MTUS2: variants seen among roughly 807,000 people sequenced by gnomAD.
MTUS2 encodes the protein microtubule-associated tumor suppressor candidate 2.
Under a neutral mutation model 114.1 loss-of-function variants are expected in MTUS2, and 40 were observed. The observed-to-expected ratio is 0.35, with a 90% CI of 0.27 to 0.46. The LOEUF (loss-of-function observed/expected upper bound fraction) is 0.46, where lower values mean the gene tolerates loss of function less well. Ranked by LOEUF, MTUS2 falls within the 20% of genes least tolerant of loss-of-function variation. The probability of loss-of-function intolerance (pLI) is 1.00; values close to 1 mark genes in which losing one functional copy is unlikely to be tolerated. For missense variants in MTUS2, 1,679 were observed against 1,705.4 expected (o/e 0.98, Z 0.27); for synonymous variants, 688 against 672.0 (o/e 1.02, Z -0.37).
At chr13:29,009,041 T>G (rs1885722967) in intron 2 of MTUS2, among the ~76,000 whole-genome samples, 1 of 152,002 alleles carries the variant, frequency 6.6e-6, no homozygotes, top group Non-Finnish European at 1.5e-5. Context: ...TGGGGAGTTC[T>G]AATTTCTGAG....
Position 29,047,563 on chromosome 13 carries a change from G to GAGTGC in MTUS2, c.2446+13443_2446+13447dup, listed in dbSNP as rs1887684489. ...GAGTCTTGCTGTGTCGCTCAGGCTG[G>GAGTGC]AGTGCAGTGGCGCAATCTCGGCTCA... On this transcript the variant is annotated intron_variant, in intron 4 of 15. Transcript: ENST00000612955. Among the ~76,000 whole-genome samples, 9 of 150,032 alleles carry GAGTGC rather than the reference G, an allele frequency of 6.0e-5. No homozygotes were observed. In the South Asian group the frequency reaches 1.7e-3, roughly 28 times the overall value.
intron 5 of MTUS2, among the ~76,000 whole-genome samples, chr13:29,111,597 A>G (rs1890885645): frequency 6.6e-6 from 1 of 152,186 alleles, no homozygotes. Context: ...TGAGAATATC[A>G]AAAAGCAAGC....
chr13:29,254,816 T>C (rs1897242221), intron 5 of MTUS2, among the ~76,000 whole-genome samples: 1 of 152,220 alleles, frequency 6.6e-6, no homozygotes, highest in African/African-American at 2.4e-5. Flanking sequence ...TCCTGCAGTT[T>C]TTCATCTTTT....
intron 5 of MTUS2, among the ~76,000 whole-genome samples, chr13:29,192,315 G>T (rs1396765238): frequency 6.6e-6 from 1 of 152,146 alleles, no homozygotes; most frequent in Non-Finnish European, 1.5e-5. Context: ...TTCACCAAAT[G>T]TTCTCAATCA....
chr13:28,865,256 C>CT (rs1346521045), intron 2 of MTUS2, among the ~76,000 whole-genome samples: 11 of 152,112 alleles, frequency 7.2e-5, no homozygotes, highest in African/African-American at 2.7e-4. Context: ...CTAATAAGCA[C>CT]TGTTAAAGAT....
chr13:29,244,171 AG>A (rs1440694047), intron 5 of MTUS2, among the ~76,000 whole-genome samples: 1 of 152,166 alleles, frequency 6.6e-6, no homozygotes, highest in African/African-American at 2.4e-5. Flanking sequence ...TGGAAGGAGT[AG>A]GGTGGGGAGT....
At chr13:28,928,872 A>C (rs1434293144) in intron 2 of MTUS2, among the ~76,000 whole-genome samples, 1 of 152,228 alleles carries the variant, frequency 6.6e-6, no homozygotes, top group African/African-American at 2.4e-5. Flanking sequence ...AATGTGATAT[A>C]TATGTATATC....
At chr13:29,390,538 A>G (rs1238004842) in intron 8 of MTUS2, among the ~76,000 whole-genome samples, 1 of 151,138 alleles carries the variant, frequency 6.6e-6, no homozygotes, top group East Asian at 2.0e-4. Flanking sequence ...CTATTATCCC[A>G]GCTACCCAGG....
intron 5 of MTUS2, among the ~76,000 whole-genome samples, chr13:29,196,278 G>A (rs928199441): frequency 1.1e-4 from 17 of 151,948 alleles, no homozygotes; most frequent in African/African-American, 4.1e-4. Context: ...TGCAGTTTTA[G>A]TAGAGACGGG....
At chr13:28,824,938 C>T (rs1874163160) in intron 1 of MTUS2, among the ~76,000 whole-genome samples, 1 of 152,138 alleles carries the variant, frequency 6.6e-6, no homozygotes, top group African/African-American at 2.4e-5. Context: ...GGGAATGCCT[C>T]ACTGAAAGGA....
At chr13:29,029,072 C>G (rs1316494493) in intron 3 of MTUS2, among the ~76,000 whole-genome samples, 1 of 152,210 alleles carries the variant, frequency 6.6e-6, no homozygotes, top group Admixed American at 6.5e-5. Flanking sequence ...GACGAGGTGC[C>G]CCAACAAGCC....
chr13:29,115,963 A>AT (rs1295616996), intron 5 of MTUS2, among the ~76,000 whole-genome samples: 1 of 152,232 alleles, frequency 6.6e-6, no homozygotes, highest in Non-Finnish European at 1.5e-5. Flanking sequence ...ACAGAGCATG[A>AT]TATCAACTAG....
intron 2 of MTUS2, among the ~76,000 whole-genome samples, chr13:28,991,137 G>A (rs2138337102): frequency 6.6e-6 from 1 of 152,328 alleles, no homozygotes; most frequent in East Asian, 1.9e-4. Context: ...GGGACCCAGT[G>A]CATGCTTGAG....
intron 2 of MTUS2, among the ~76,000 whole-genome samples, chr13:29,016,969 C>T (rs1018535103): frequency 3.9e-5 from 6 of 152,054 alleles, no homozygotes; most frequent in South Asian, 4.1e-4. Flanking sequence ...TATAATTGTG[C>T]CTGATGAGAA....
intron 7 of MTUS2, among the ~76,000 whole-genome samples, chr13:29,348,444 C>T (rs1280041949): frequency 6.6e-6 from 1 of 152,056 alleles, no homozygotes; most frequent in Non-Finnish European, 1.5e-5. Flanking sequence ...GACTTGAATC[C>T]TTTTAAATTT....
chr13:29,165,141 A>C (rs1893261586), intron 5 of MTUS2, among the ~76,000 whole-genome samples: 1 of 151,646 alleles, frequency 6.6e-6, no homozygotes, highest in Non-Finnish European at 1.5e-5. Flanking sequence ...GTAATCCCTC[A>C]CTCTCTTCAC....
chr13:28,908,511 TG>T (rs1880196677), intron 2 of MTUS2, among the ~76,000 whole-genome samples: 1 of 151,538 alleles, frequency 6.6e-6, no homozygotes, highest in African/African-American at 2.4e-5. Context: ...ATGGTGTATA[TG>T]TGCCACATTT....
chr13:29,006,836 G>A (rs577271370), intron 2 of MTUS2, among the ~76,000 whole-genome samples: 2 of 152,264 alleles, frequency 1.3e-5, no homozygotes, highest in South Asian at 2.1e-4. Flanking sequence ...CTCTTCTGAT[G>A]CTGCAATTTA....
At chr13:29,085,100 CTCTT>C in intron 4 of MTUS2, among the ~76,000 whole-genome samples, 1 of 152,274 alleles carries the variant, frequency 6.6e-6, no homozygotes, top group Non-Finnish European at 1.5e-5. Flanking sequence ...CCTTCTTTCT[CTCTT>C]TCTCCCTTTC....
Sources: allele counts gnomAD v4.1 joint callset (sites outside exome capture counted in the v4.1 genomes callset), GRCh38; gene constraint gnomAD v4.1.1; transcripts MANE v1.5; gene names NCBI Gene and HGNC (gene_info 2026-07-23, HGNC 2026-07-21).